Variants in YAP1 observed in about 807,000 individuals in gnomAD.
The protein encoded by YAP1 is Yes1 associated transcriptional regulator.
YAP1 carries 5 observed loss-of-function variants against 56.9 expected under a neutral mutation model. That is an observed-to-expected ratio of 0.09 (90% CI 0.05 to 0.18). YAP1 has a LOEUF of 0.18. YAP1 is among the 10% of genes least tolerant of loss of function. YAP1 has a pLI of 1.00. For missense variants in YAP1, 539 were observed against 651.8 expected (o/e 0.83, Z 1.88); for synonymous variants, 265 against 248.1 (o/e 1.07, Z -0.64).
rs1591132015 is a variant in YAP1 at position 102,122,503 on chromosome 11, C to T, written c.572+8109C>T. ...AGAGGTGTTTGAAGAACCTTGTTTT[C>T]ATAGCCTGTGTGTAAACGTATATTT... On this transcript the variant is annotated intron_variant, in intron 2 of 8. Coordinates refer to ENST00000282441, the MANE Select transcript of YAP1 (RefSeq NM_001130145.3). Among the ~76,000 whole-genome samples, 3 of 152,052 alleles carry T rather than the reference C, an allele frequency of 2.0e-5. No homozygotes were observed. In the South Asian group the frequency reaches 6.2e-4, roughly 32 times the overall value.
chr11:102,227,342 A>G (rs2135718213), intron 7 of YAP1, 127 bp from the exon 8 acceptor site: 1 of 672,262 alleles, frequency 1.5e-6, no homozygotes, highest in Non-Finnish European at 2.6e-6. Context: ...TGTTTCAGAC[A>G]TTGCAGGACA....
chr11:102,165,341 T>C (rs1946539978), intron 3 of YAP1, among the ~76,000 whole-genome samples: 2 of 152,180 alleles, frequency 1.3e-5, no homozygotes, highest in Admixed American at 6.5e-5. Context: ...GCCTAGGTGA[T>C]AGAGTGGGAC....
intron 4 of YAP1, among the ~76,000 whole-genome samples, chr11:102,201,839 C>T (rs544569101): frequency 1.4e-4 from 21 of 151,910 alleles, no homozygotes; most frequent in Admixed American, 5.9e-4. Context: ...CCCCCTAGTA[C>T]GCAGAGTAAT....
rs567180677 is a variant in YAP1 at position 102,202,978 on chromosome 11, CA to C, written c.803-2912del. ...CATAGTACTATGGGGATGCAATGAG[CA>C]AAGTCCAGGTTGTAGAAGATTCTTT... On this transcript the variant is annotated intron_variant, in intron 4 of 8. Coordinates refer to ENST00000282441, the MANE Select transcript of YAP1 (RefSeq NM_001130145.3). 5.3e-3 allele frequency among the ~76,000 whole-genome samples: 809 copies of C among 152,240 alleles called. 6 individuals carry two copies. The highest frequency in any genetic ancestry group is 9.0e-3 in the Non-Finnish European group (615 of 68,000).
At chr11:102,209,013 ACTT>A in intron 5 of YAP1, among the ~76,000 whole-genome samples, 1 of 152,090 alleles carries the variant, frequency 6.6e-6, no homozygotes, top group South Asian at 2.1e-4. Context: ...TTTAAAGGTA[ACTT>A]CTTTGTTTCA....
At chr11:102,192,474 A>G (rs1264912232) in intron 4 of YAP1, among the ~76,000 whole-genome samples, 2 of 152,208 alleles carry the variant, frequency 1.3e-5, no homozygotes, top group African/African-American at 2.4e-5. Context: ...TTTCCACATG[A>G]TAGTTACAAC....
chr11:102,115,857 C>CT (rs1358736164), intron 2 of YAP1, among the ~76,000 whole-genome samples: 1 of 152,216 alleles, frequency 6.6e-6, no homozygotes, highest in African/African-American at 2.4e-5. Flanking sequence ...AAAGGCTGCA[C>CT]TTTTTTGAAC....
chr11:102,214,077 A>G (rs1430729707), intron 6 of YAP1, among the ~76,000 whole-genome samples: 1 of 152,190 alleles, frequency 6.6e-6, no homozygotes, highest in Non-Finnish European at 1.5e-5. Context: ...ACTCTGCCTC[A>G]AAAAAAGAAA....
At position 102,186,124 on chromosome 11, in the gene YAP1, T is replaced by C; in HGVS notation, c.795T>C (p.Pro265=). Residue 265 remains proline, a synonymous_variant, in exon 4 of 9, where the codon CCT becomes CCC. Transcript: ENST00000282441. ...TTSWLDPRLD[P]RFAMNQRISQ... is the part of the protein sequence containing the mutation. ...CTTGGCTAGACCCAAGGCTTGACCC[T>C]CGTTTTGGTAAAGGTTCATCTCAAA... 1 of 1,611,526 alleles carries C rather than the reference T, an allele frequency of 6.2e-7. No individual in the cohort carries two copies. Among genetic ancestry groups the C allele is most frequent in the Non-Finnish European group, 8.5e-7 (1 of 1,179,074 alleles).
At chr11:102,205,146 CA>C (rs933080737) in intron 4 of YAP1, among the ~76,000 whole-genome samples, 32 of 116,748 alleles carry the variant, frequency 2.7e-4, no homozygotes, top group Admixed American at 3.0e-4. Context: ...ATTACAGCTT[CA>C]AAAAAAAATT....
At chr11:102,139,968 T>A (rs2135282280) in intron 2 of YAP1, among the ~76,000 whole-genome samples, 1 of 152,290 alleles carries the variant, frequency 6.6e-6, no homozygotes, top group Admixed American at 6.5e-5. Flanking sequence ...GCTGGAAAAT[T>A]TGATTTGGTA....
At chr11:102,189,003 G>A (rs192519301) in intron 4 of YAP1, among the ~76,000 whole-genome samples, 1 of 152,172 alleles carries the variant, frequency 6.6e-6, no homozygotes, top group East Asian at 1.9e-4. Context: ...AAATCATGAA[G>A]TGACATCAGA....
At chr11:102,169,294 A>G (rs2135429302) in intron 3 of YAP1, among the ~76,000 whole-genome samples, 1 of 152,366 alleles carries the variant, frequency 6.6e-6, no homozygotes, top group South Asian at 2.1e-4. Context: ...GAATTTAATC[A>G]GTTTGTAATA....
chr11:102,130,008 C>T (rs1480218537), intron 2 of YAP1, among the ~76,000 whole-genome samples: 1 of 151,830 alleles, frequency 6.6e-6, no homozygotes, highest in Non-Finnish European at 1.5e-5. Context: ...AACTACTGAC[C>T]TCAAGTAATC....
rs149392189 is a variant in YAP1 at position 102,165,438 on chromosome 11, A to T, written c.688+2867A>T. Among the ~76,000 whole-genome samples, 332 of 152,294 alleles carry T rather than the reference A, an allele frequency of 2.2e-3. 2 individuals are homozygous for T. Among genetic ancestry groups the T allele is most frequent in the African/African-American group, 7.7e-3 (320 of 41,556 alleles). ...ATATTACATAAAAATTAGTATGCAT[A>T]TACATGTCTAAATAATAGAGCTATA... On this transcript the variant is annotated intron_variant, in intron 3 of 8. Coordinates refer to ENST00000282441, the MANE Select transcript of YAP1 (RefSeq NM_001130145.3).
intron 2 of YAP1, among the ~76,000 whole-genome samples, chr11:102,131,282 A>G (rs544601965): frequency 3.9e-5 from 6 of 152,204 alleles, no homozygotes; most frequent in South Asian, 2.1e-4. Context: ...TGAACTCACT[A>G]TAAGTGCTTT....
chr11:102,121,899 G>A (rs1252466889), intron 2 of YAP1, among the ~76,000 whole-genome samples: 1 of 152,154 alleles, frequency 6.6e-6, no homozygotes, highest in Non-Finnish European at 1.5e-5. Context: ...CCAGGCTTGT[G>A]TGATCCTCCC....
At chr11:102,165,826 A>G (rs1267736807) in intron 3 of YAP1, among the ~76,000 whole-genome samples, 2 of 152,214 alleles carry the variant, frequency 1.3e-5, no homozygotes, top group Non-Finnish European at 2.9e-5. Flanking sequence ...CAGAAGCGAC[A>G]AGGAACCACT....
chr11:102,227,460 T>TCA lies in YAP1; in HGVS notation c.1164-9_1164-8insCA. ...TTTGTGTTGGTCTTTAACTGTCATG[T>TCA]TTATGTAGTGGCACCTATCACTCTC... On this transcript the variant is annotated splice_polypyrimidine_tract_variant and intron_variant, in intron 7 of 8. Transcript: ENST00000282441. The TCA allele has an allele frequency of 6.2e-7, 1 of 1,604,236 alleles. No individual in the cohort carries two copies. The highest frequency in any genetic ancestry group is 1.1e-5 in the South Asian group (1 of 90,148).
Sources: gnomAD v4.1 joint callset for allele counts (sites outside exome capture counted in the v4.1 genomes callset) on GRCh38, gnomAD v4.1.1 for gene constraint, MANE v1.5 for transcripts, NCBI Gene and HGNC (gene_info 2026-07-23, HGNC 2026-07-21) for gene names.